Variants in SLC9A4 observed in about 807,000 individuals in gnomAD.
SLC9A4 encodes the protein sodium/hydrogen exchanger 4.
Under a neutral mutation model 67.4 loss-of-function variants are expected in SLC9A4, and 63 were observed. The ratio of observed to expected loss-of-function variants is 0.93; its 90% CI spans 0.76 to 1.15. The LOEUF (loss-of-function observed/expected upper bound fraction) is 1.15, where lower values mean the gene tolerates loss of function less well. Ranked by LOEUF, SLC9A4 falls within the 50% of genes most tolerant of loss-of-function variation. The pLI is 0.00. For synonymous variants in SLC9A4, 393 were observed against 367.2 expected, an observed-to-expected ratio of 1.07 and a Z score of -0.80; for missense variants, 1,089 against 987.7, an observed-to-expected ratio of 1.10 and a Z score of -1.38.
chr2:102,512,775 G>C lies in SLC9A4; in HGVS notation c.1559+502G>C, dbSNP rs186479428. Among the ~76,000 whole-genome samples, 314 of 152,238 alleles carry C rather than the reference G, an allele frequency of 2.1e-3. 2 individuals carry two copies. Among genetic ancestry groups the C allele is most frequent in the African/African-American group, 7.1e-3 (296 of 41,560 alleles). On this transcript the variant is annotated intron_variant, in intron 7 of 11. Coordinates refer to ENST00000295269, the MANE Select transcript of SLC9A4 (RefSeq NM_001011552.4). ...CATATCTCACCTTTCAGAATGTATT[G>C]TTTTACTGGACTTAGTTTCCAGTTC...
At chr2:102,501,312 G>A (rs769465035) in intron 2 of SLC9A4, among the ~76,000 whole-genome samples, 7 of 152,054 alleles carry the variant, frequency 4.6e-5, no homozygotes, top group Admixed American at 1.3e-4. Flanking sequence ...GTAGAGATAC[G>A]GTTTCACCAC....
chr2:102,490,651 A>G (rs781163264), intron 2 of SLC9A4, among the ~76,000 whole-genome samples: 2 of 152,098 alleles, frequency 1.3e-5, no homozygotes, highest in Non-Finnish European at 2.9e-5. Context: ...CCCGTAGCTG[A>G]CCCCTCAGGA....
chr2:102,514,155 G>A lies in SLC9A4; in HGVS notation c.1625G>A (p.Ser542Asn). Residue 542 changes from serine to asparagine, a missense_variant, in exon 8 of 12, where the codon AGC (serine) becomes AAC (asparagine). Physicochemically the swap from Ser to Asn is conservative, Grantham distance 46. Transcript: ENST00000295269. ...ATCAGAAAGAACCTACCCAAATCAA[G>A]CATTGTTTCTTTGTACAAGAAGCTG... is the stretch of plus-strand genomic sequence containing the variant. ...ILIRKNLPKS[S>N]IVSLYKKLEM... 1 of 1,614,000 alleles carries A rather than the reference G, an allele frequency of 6.2e-7. No homozygotes were observed. Among genetic ancestry groups the A allele is most frequent in the Non-Finnish European group, 8.5e-7 (1 of 1,179,986 alleles).
At chr2:102,521,845 G>A (rs17027347) in intron 9 of SLC9A4, among the ~76,000 whole-genome samples, 1,761 of 152,280 alleles carry the variant, frequency 0.012, 38 homozygotes, top group African/African-American at 0.039. Context: ...CATCTTGGGC[G>A]TCGGGATTTA....
At chr2:102,508,776 T>C (rs1685099698) in intron 5 of SLC9A4, 71 bp from the exon 6 acceptor site, 6 of 1,137,876 alleles carry the variant, frequency 5.3e-6, no homozygotes, top group East Asian at 2.4e-5. Flanking sequence ...ATAGTTTTGT[T>C]AATAAATTTG....
intron 6 of SLC9A4, among the ~76,000 whole-genome samples, chr2:102,510,621 G>T (rs1368292255): frequency 6.6e-6 from 1 of 152,024 alleles, no homozygotes; most frequent in Non-Finnish European, 1.5e-5. Flanking sequence ...GAATAACCGG[G>T]GACTTGCCTG....
intron 11 of SLC9A4, among the ~76,000 whole-genome samples, chr2:102,526,884 T>C (rs1321156838): frequency 6.6e-6 from 1 of 152,240 alleles, no homozygotes; most frequent in Non-Finnish European, 1.5e-5. Flanking sequence ...AAGCAGTTAC[T>C]ATTTTTATAT....
chr2:102,477,973 T>C (rs1400632632), intron 1 of SLC9A4, among the ~76,000 whole-genome samples: 1 of 152,244 alleles, frequency 6.6e-6, no homozygotes, highest in Non-Finnish European at 1.5e-5. Context: ...TAGTGGGAAT[T>C]GCAGTTGTCT....
rs980363727 is a variant in SLC9A4 at position 102,533,615 on chromosome 2, G to A, written c.*927G>A. Reference sequence around the variant, plus strand: ...CCGCTAACTCGTCATCTAGCATTAGGTGTATCTCCCAATGCTATCCCTCCC... The same window carrying A: ...CCGCTAACTCGTCATCTAGCATTAGATGTATCTCCCAATGCTATCCCTCCC... On this transcript the variant is annotated 3_prime_UTR_variant, in exon 12 of 12. Coordinates refer to ENST00000295269, the MANE Select transcript of SLC9A4 (RefSeq NM_001011552.4). 3 of 150,214 alleles carry A rather than the reference G, an allele frequency of 2.0e-5. No individual in the cohort carries two copies. The highest frequency in any genetic ancestry group is 4.4e-5 in the Non-Finnish European group (3 of 67,596). The allele number at this position is 150,214 out of a possible 1,614,324, so 9.3% of individuals were successfully genotyped here.
At chr2:102,492,665 G>A (rs1684728500) in intron 2 of SLC9A4, among the ~76,000 whole-genome samples, 1 of 152,176 alleles carries the variant, frequency 6.6e-6, no homozygotes, top group East Asian at 1.9e-4. Context: ...TGTGATGGGA[G>A]GGACTGCTGT....
At chr2:102,479,441 C>A in intron 2 of SLC9A4, 139 bp downstream of exon 2, 1 of 897,340 alleles carries the variant, frequency 1.1e-6, no homozygotes, top group Non-Finnish European at 1.7e-6. Context: ...GCGGTGTGGT[C>A]CGAGTTCTGG....
At chr2:102,526,654 A>G (rs1037804302) in intron 11 of SLC9A4, among the ~76,000 whole-genome samples, 2 of 152,182 alleles carry the variant, frequency 1.3e-5, no homozygotes, top group African/African-American at 4.8e-5. Flanking sequence ...CCAGATAGAG[A>G]CCAAGGGTCA....
chr2:102,486,297 C>T (rs189676717), intron 2 of SLC9A4, among the ~76,000 whole-genome samples: 13 of 152,250 alleles, frequency 8.5e-5, no homozygotes, highest in East Asian at 1.9e-4. Flanking sequence ...GATTGATACA[C>T]GTAATGCATT....
chr2:102,478,644 C>T (rs1684383229), intron 1 of SLC9A4, among the ~76,000 whole-genome samples, 195 bp from the exon 2 acceptor site: 1 of 152,138 alleles, frequency 6.6e-6, no homozygotes, highest in South Asian at 2.1e-4. Flanking sequence ...CTGTGACCTG[C>T]GCCGAGCTGG....
chr2:102,493,824 A>C (rs1363046222), intron 2 of SLC9A4, among the ~76,000 whole-genome samples: 1 of 151,764 alleles, frequency 6.6e-6, no homozygotes, highest in African/African-American at 2.4e-5. Context: ...ATTCCAAATC[A>C]ATTATGTTTG....
chr2:102,480,651 G>C (rs534768599), intron 2 of SLC9A4, among the ~76,000 whole-genome samples: 5 of 152,182 alleles, frequency 3.3e-5, no homozygotes, highest in Non-Finnish European at 7.4e-5. Context: ...TTTACATGAT[G>C]TTTTCTTAGA....
chr2:102,485,287 C>T (rs887439664), intron 2 of SLC9A4, among the ~76,000 whole-genome samples: 1 of 152,182 alleles, frequency 6.6e-6, no homozygotes, highest in Admixed American at 6.5e-5. Context: ...CTCAGTATCC[C>T]AGAGACAGAG....
In SLC9A4 at chr2:102,532,528, G is replaced by T. The variant is rs1573362233; in HGVS notation, c.2237G>T (p.Arg746Ile). 6.2e-7 allele frequency: 1 copy of T among 1,614,116 alleles called. No homozygotes were observed. The highest frequency in any genetic ancestry group is 1.1e-5 in the South Asian group (1 of 91,050). ...YLGGVRRVAL[R>I]PKPLFHAVDE... ...GGTGGAGTAAGGAGGGTGGCCTTAA[G>T]ACCCAAACCTCTGTTTCATGCAGTG... Residue 746 changes from arginine to isoleucine, a missense_variant, in exon 12 of 12, where the codon AGA (arginine) becomes ATA (isoleucine). By Grantham distance (97) the Arg-to-Ile change is moderately conservative. Transcript: ENST00000295269.
chr2:102,498,996 C>T (rs1381182888), intron 2 of SLC9A4, among the ~76,000 whole-genome samples: 2 of 152,084 alleles, frequency 1.3e-5, no homozygotes, highest in Non-Finnish European at 2.9e-5. Context: ...GCCCTCAGGT[C>T]GCAGTGCAGA....
Sources: gnomAD v4.1 joint callset for allele counts (sites outside exome capture counted in the v4.1 genomes callset) on GRCh38, gnomAD v4.1.1 for gene constraint, MANE v1.5 for transcripts, NCBI Gene and HGNC (gene_info 2026-07-23, HGNC 2026-07-21) for gene names.